GPC6: variants seen among roughly 807,000 people sequenced by gnomAD.
The protein encoded by GPC6 is glypican-6.
A neutral mutation model predicts 55.2 loss-of-function variants in GPC6; 14 were observed. The observed-to-expected ratio is 0.25, with a 90% CI of 0.17 to 0.40. GPC6 has a LOEUF of 0.40. GPC6 is among the 10% of genes least tolerant of loss of function. The pLI is 1.00. For synonymous variants in GPC6, 278 were observed against 259.6 expected (o/e 1.07, Z -0.68); for missense variants, 641 against 708.5 (o/e 0.90, Z 1.08).
intron 4 of GPC6, among the ~76,000 whole-genome samples, chr13:94,175,953 TATAG>T (rs772889557): frequency 0.028 from 2,940 of 106,558 alleles, 45 homozygotes; most frequent in Non-Finnish European, 0.038. Flanking sequence ...TATATATATA[TATAG>T]AGAGAGAGAG....
chr13:93,793,778 A>G (rs1222035537), intron 2 of GPC6, among the ~76,000 whole-genome samples: 4 of 152,210 alleles, frequency 2.6e-5, no homozygotes, highest in Admixed American at 6.5e-5. Flanking sequence ...ATATTGCAAG[A>G]TGATTTTCTT....
chr13:93,995,792 A>G (rs1160558233), intron 3 of GPC6, among the ~76,000 whole-genome samples: 1 of 152,192 alleles, frequency 6.6e-6, no homozygotes. Flanking sequence ...TTACCTTGAC[A>G]ATAGCACTGG....
At chr13:93,375,428 G>A (rs373340121) in intron 1 of GPC6, among the ~76,000 whole-genome samples, 1 of 152,300 alleles carries the variant, frequency 6.6e-6, no homozygotes, top group East Asian at 1.9e-4. Context: ...ACGGCGTGGA[G>A]TGGCTAAATG....
At chr13:93,245,391 T>A (rs1876565022) in intron 1 of GPC6, among the ~76,000 whole-genome samples, 1 of 152,188 alleles carries the variant, frequency 6.6e-6, no homozygotes, top group South Asian at 2.1e-4. Context: ...CATAATTTCC[T>A]AATTTAGATG....
chr13:94,402,868 C>A lies in GPC6; in HGVS notation c.1466-147C>A, dbSNP rs190974039. The A allele has an allele frequency of 3.6e-3, 2,762 of 761,148 alleles. 12 individuals carry two copies. Among genetic ancestry groups the A allele is most frequent in the Non-Finnish European group, 5.1e-3 (2,163 of 423,854 alleles). 47.1% of individuals were successfully genotyped at this position (761,148 alleles called of 1,614,324 possible). ...ATCACGAGAACAGGATGGGGGAAAC[C>A]ACCACCATGATTGAATTACCTCCAC... On this transcript the variant is annotated intron_variant, in intron 8 of 8. Transcript: ENST00000377047.
chr13:93,256,200 A>G (rs1392608115), intron 1 of GPC6, among the ~76,000 whole-genome samples: 5 of 151,592 alleles, frequency 3.3e-5, no homozygotes, highest in Admixed American at 3.3e-4. Context: ...GATCTAATAC[A>G]TGAAACCTAA....
chr13:93,301,168 C>A (rs1358368846), intron 1 of GPC6, among the ~76,000 whole-genome samples: 1 of 152,178 alleles, frequency 6.6e-6, no homozygotes, highest in African/African-American at 2.4e-5. Context: ...AACCTAATAA[C>A]CAATTGTTAC....
At chr13:93,799,677 A>G (rs886220072) in intron 2 of GPC6, among the ~76,000 whole-genome samples, 4 of 152,206 alleles carry the variant, frequency 2.6e-5, no homozygotes, top group Non-Finnish European at 5.9e-5. Flanking sequence ...GTTCCTTTTC[A>G]GTAAAAGATG....
intron 3 of GPC6, among the ~76,000 whole-genome samples, chr13:93,849,579 A>C (rs778289701): frequency 6.6e-6 from 1 of 152,048 alleles, no homozygotes; most frequent in South Asian, 2.1e-4. Context: ...CTTCCAAAAC[A>C]CCTATATCTA....
At chr13:94,395,862 C>T (rs546322173) in intron 7 of GPC6, among the ~76,000 whole-genome samples, 12 of 152,358 alleles carry the variant, frequency 7.9e-5, no homozygotes, top group Non-Finnish European at 1.8e-4. Context: ...CAGACCCAAT[C>T]TTCATCAATC....
At chr13:93,671,905 G>T (rs144826263) in intron 2 of GPC6, among the ~76,000 whole-genome samples, 1 of 152,144 alleles carries the variant, frequency 6.6e-6, no homozygotes, top group African/African-American at 2.4e-5. Context: ...TGCTTTTCAG[G>T]CCAGTGCGGG....
rs918540023 is a variant in GPC6, at chr13:94,370,048, G to GC, written c.1153-12364dup. On this transcript the variant is annotated intron_variant, in intron 6 of 8. Coordinates refer to ENST00000377047, the MANE Select transcript of GPC6 (RefSeq NM_005708.5). The stretch of plus-strand genomic sequence containing the variant: ...GCTGTGGAGCAGTTATTCCCTGGGA[G>GC]CCAAGAAGTACAGCTGTTCTTTAGC... 3.9e-5 allele frequency among the ~76,000 whole-genome samples: 6 copies of GC among 152,334 alleles called. No individual in the cohort carries two copies. In the South Asian group the frequency reaches 1.2e-3, roughly 32 times the overall value.
At chr13:93,419,192 T>G (rs555832212) in intron 1 of GPC6, among the ~76,000 whole-genome samples, 1 of 151,378 alleles carries the variant, frequency 6.6e-6, no homozygotes, top group African/African-American at 2.4e-5. Flanking sequence ...GGTACTTATA[T>G]TCAGGTCAAC....
At chr13:94,022,761 T>G (rs1882746832) in intron 3 of GPC6, among the ~76,000 whole-genome samples, 1 of 152,256 alleles carries the variant, frequency 6.6e-6, no homozygotes, top group Middle Eastern at 3.4e-3. Flanking sequence ...TGTTATCATC[T>G]GCTTTTATCC....
At chr13:93,936,196 T>C (rs1878428209) in intron 3 of GPC6, among the ~76,000 whole-genome samples, 1 of 152,238 alleles carries the variant, frequency 6.6e-6, no homozygotes, top group South Asian at 2.1e-4. Context: ...TATGTCATAA[T>C]ACTTGGTAGC....
intron 2 of GPC6, among the ~76,000 whole-genome samples, chr13:93,637,421 C>T (rs1343216602): frequency 6.6e-6 from 1 of 151,806 alleles, no homozygotes; most frequent in Non-Finnish European, 1.5e-5. Context: ...GGTCTCTTGC[C>T]ACAATGTTTT....
chr13:93,483,015 C>T (rs376488999), intron 1 of GPC6, among the ~76,000 whole-genome samples: 6 of 152,254 alleles, frequency 3.9e-5, no homozygotes, highest in African/African-American at 1.4e-4. Flanking sequence ...AAGGACTTGG[C>T]TCAGTGTTAC....
chr13:93,308,873 A>C (rs1307974001), intron 1 of GPC6, among the ~76,000 whole-genome samples: 1 of 152,232 alleles, frequency 6.6e-6, no homozygotes, highest in Non-Finnish European at 1.5e-5. Flanking sequence ...TATTTAGTTT[A>C]TTTCAGTGGG....
chr13:93,563,763 A>G (rs549447155), intron 2 of GPC6, among the ~76,000 whole-genome samples: 5 of 152,124 alleles, frequency 3.3e-5, no homozygotes, highest in South Asian at 2.1e-4. Context: ...ATGAAAGAAA[A>G]AAAAAAAAAA....
Sources: gnomAD v4.1 joint callset for allele counts (sites outside exome capture counted in the v4.1 genomes callset) on GRCh38, gnomAD v4.1.1 for gene constraint, MANE v1.5 for transcripts, NCBI Gene and HGNC (gene_info 2026-07-23, HGNC 2026-07-21) for gene names.